Variants in PARD3 observed in about 807,000 individuals in gnomAD.
PARD3 encodes the protein par-3 family cell polarity regulator, also known as partitioning defective 3 homolog.
A neutral mutation model predicts 155.4 loss-of-function variants in PARD3; 75 were observed. The observed-to-expected ratio is 0.48, with a 90% confidence interval of 0.40 to 0.58. PARD3 has a LOEUF of 0.58. PARD3 is among the 20% of genes least tolerant of loss of function. The pLI is 0.00. For synonymous variants in PARD3, 576 were observed against 610.5 expected, an observed-to-expected ratio of 0.94 and a Z score of 0.83; for missense variants, 1,642 against 1,721.7, an observed-to-expected ratio of 0.95 and a Z score of 0.82.
intron 2 of PARD3, among the ~76,000 whole-genome samples, chr10:34,678,417 T>C (rs1045315998): frequency 1.3e-5 from 2 of 152,246 alleles, no homozygotes; most frequent in African/African-American, 4.8e-5. Flanking sequence ...CTGAACAATG[T>C]ACAGAACTGT....
At chr10:34,540,529 C>T (rs1333664485) in intron 2 of PARD3, among the ~76,000 whole-genome samples, 5 of 152,124 alleles carry the variant, frequency 3.3e-5, no homozygotes, top group South Asian at 2.1e-4. Flanking sequence ...CTGAGCTGCC[C>T]GCTCAGCAGA....
chr10:34,615,203 CAAACAAAA>C (rs2091176005), intron 2 of PARD3, among the ~76,000 whole-genome samples: 1 of 151,994 alleles, frequency 6.6e-6, no homozygotes, highest in South Asian at 2.1e-4. Context: ...AAAACAAAAA[CAAACAAAA>C]AAACAAAAAC....
At chr10:34,566,252 G>A (rs957756344) in intron 2 of PARD3, among the ~76,000 whole-genome samples, 1 of 152,226 alleles carries the variant, frequency 6.6e-6, no homozygotes, top group African/African-American at 2.4e-5. Context: ...ACAACAGGAA[G>A]CACCTCTGTG....
At chr10:34,310,545 C>T (rs1957647867) in intron 20 of PARD3, among the ~76,000 whole-genome samples, 1 of 152,206 alleles carries the variant, frequency 6.6e-6, no homozygotes, top group Non-Finnish European at 1.5e-5. Context: ...TAAAGAATGT[C>T]AGAAAAGGTC....
At chr10:34,780,968 T>C (rs1840168900) in intron 1 of PARD3, among the ~76,000 whole-genome samples, 1 of 152,210 alleles carries the variant, frequency 6.6e-6, no homozygotes, top group African/African-American at 2.4e-5. Context: ...AAAAGCAACT[T>C]GGGATTTCCT....
intron 11 of PARD3, among the ~76,000 whole-genome samples, chr10:34,374,370 G>A (rs1251325620): frequency 6.6e-6 from 1 of 152,054 alleles, no homozygotes; most frequent in Non-Finnish European, 1.5e-5. Context: ...ATAGCCATGA[G>A]GCTTATTGCC....
intron 2 of PARD3, among the ~76,000 whole-genome samples, chr10:34,585,570 G>A (rs1337598677): frequency 3.7e-5 from 5 of 135,840 alleles, no homozygotes; most frequent in African/African-American, 5.6e-5. Context: ...GCAAAACTCT[G>A]GAAATCTACA....
chr10:34,419,603 T>G (rs1375348182), intron 5 of PARD3, among the ~76,000 whole-genome samples: 1 of 152,232 alleles, frequency 6.6e-6, no homozygotes, highest in Non-Finnish European at 1.5e-5. Flanking sequence ...GGAGTGTATG[T>G]ATGTCTATTT....
At chr10:34,270,849 C>G (rs1564536171) in intron 21 of PARD3, among the ~76,000 whole-genome samples, 1 of 152,088 alleles carries the variant, frequency 6.6e-6, no homozygotes, top group Non-Finnish European at 1.5e-5. Flanking sequence ...AACTAAGAAA[C>G]AAACCTTAAA....
intron 1 of PARD3, among the ~76,000 whole-genome samples, chr10:34,704,809 A>C (rs2094338593): frequency 6.6e-6 from 1 of 152,250 alleles, no homozygotes; most frequent in Non-Finnish European, 1.5e-5. Context: ...CACACAGTTT[A>C]CAGTTTAGCA....
chr10:34,200,004 C>A (rs1055501435), intron 22 of PARD3, among the ~76,000 whole-genome samples: 6 of 152,170 alleles, frequency 3.9e-5, no homozygotes, highest in African/African-American at 1.4e-4. Flanking sequence ...AGCCATGAAA[C>A]ATGATTGGTA....
chr10:34,610,481 G>C (rs1345538543), intron 2 of PARD3, among the ~76,000 whole-genome samples: 1 of 152,164 alleles, frequency 6.6e-6, no homozygotes, highest in Non-Finnish European at 1.5e-5. Flanking sequence ...AGAGCAGTTA[G>C]GAAGATGACC....
chr10:34,598,158 A>G (rs141559623), intron 2 of PARD3, among the ~76,000 whole-genome samples: 1 of 152,320 alleles, frequency 6.6e-6, no homozygotes, highest in Non-Finnish European at 1.5e-5. Context: ...CATTCATATC[A>G]TCTACTTAGG....
At chr10:34,171,950 CAAAAAAAAAAAAA>C (rs71033303) in intron 22 of PARD3, among the ~76,000 whole-genome samples, 9 of 47,250 alleles carry the variant, frequency 1.9e-4, no homozygotes, top group African/African-American at 7.8e-4. Flanking sequence ...GACTCCATCT[CAAAAAAAAAAAAA>C]AAAAAAAAAA....
chr10:34,667,447 C>T (rs2093514788), intron 2 of PARD3, among the ~76,000 whole-genome samples: 2 of 152,230 alleles, frequency 1.3e-5, no homozygotes, highest in South Asian at 4.1e-4. Context: ...CCTTTCTCTG[C>T]AGTGGCATTT....
intron 3 of PARD3, among the ~76,000 whole-genome samples, chr10:34,499,018 A>C (rs2080483505): frequency 1.3e-5 from 2 of 152,208 alleles, no homozygotes; most frequent in South Asian, 4.1e-4. Context: ...TAGATGGTGA[A>C]ACATCATTTA....
intron 20 of PARD3, among the ~76,000 whole-genome samples, chr10:34,289,640 A>C (rs894087214): frequency 6.6e-6 from 1 of 152,226 alleles, no homozygotes; most frequent in African/African-American, 2.4e-5. Context: ...ACACTCCACC[A>C]GAAACTCCTT....
At chr10:34,530,519 G>C (rs549565841) in intron 2 of PARD3, among the ~76,000 whole-genome samples, 18 of 152,216 alleles carry the variant, frequency 1.2e-4, no homozygotes, top group African/African-American at 4.1e-4. Context: ...ATGAGCTCCT[G>C]AATTTCTCTG....
intron 1 of PARD3, among the ~76,000 whole-genome samples, chr10:34,814,432 C>A (rs1419038010): frequency 2.0e-5 from 3 of 152,302 alleles, no homozygotes; most frequent in Non-Finnish European, 4.4e-5. Context: ...ACGAAACTCT[C>A]CTCACACCAA....
Sources: allele counts gnomAD v4.1 joint callset (sites outside exome capture counted in the v4.1 genomes callset), GRCh38; gene constraint gnomAD v4.1.1; transcripts MANE v1.5; gene names NCBI Gene and HGNC (gene_info 2026-07-23, HGNC 2026-07-21).